CHD8: variants seen among roughly 807,000 people sequenced by gnomAD.
CHD8 encodes the protein chromodomain helicase DNA binding protein 8, also known as ATP-dependent chromatin remodeler CHD8.
CHD8 carries 31 observed loss-of-function variants against 279.2 expected under a neutral mutation model. That is an observed-to-expected ratio of 0.11 (90% CI 0.08 to 0.15). The LOEUF is 0.15. CHD8 is among the 10% of genes least tolerant of loss of function. CHD8 has a pLI of 1.00. For missense variants in CHD8, 2,146 were observed against 3,230.5 expected (o/e 0.66, Z 8.14); for synonymous variants, 1,081 against 1,139.6 (o/e 0.95, Z 1.04).
At chr14:21,390,132 A>T (rs1387037415) in intron 37 of CHD8, among the ~76,000 whole-genome samples, 1 of 152,116 alleles carries the variant, frequency 6.6e-6, no homozygotes, top group African/African-American at 2.4e-5. Flanking sequence ...GCTACTTGAG[A>T]GGCTGGGCAG....
rs1889405491 is a variant in CHD8 at position 21,428,123 on chromosome 14, G to A, written c.1347C>T (p.Asn449=). 6.2e-7 allele frequency: 1 copy of A among 1,613,980 alleles called. No homozygotes were observed. Among genetic ancestry groups the A allele is most frequent in the Non-Finnish European group, 8.5e-7 (1 of 1,179,900 alleles). The change falls in exon 4 of 38, where the codon AAC becomes AAT. Residue 449 remains asparagine (N), a synonymous_variant. Coordinates refer to ENST00000646647, the MANE Select transcript of CHD8 (RefSeq NM_001170629.2). ...HSGGKTGMEE[N]RRLEHQKKQE... ...GCTTCTTCTGGTGTTCCAATCTGCG[G>A]TTTTCCTCCATTCCTGTCTTTCCCC...
At chr14:21,391,704 G>A in intron 35 of CHD8, 62 bp from the exon 36 acceptor site, 1 of 1,500,780 alleles carries the variant, frequency 6.7e-7, no homozygotes, top group South Asian at 1.2e-5. Context: ...GAGGGAGGGG[G>A]AGCAGGGCCA....
At chr14:21,404,418 A>C (rs926678229) in intron 16 of CHD8, among the ~76,000 whole-genome samples, 2 of 152,014 alleles carry the variant, frequency 1.3e-5, no homozygotes, top group East Asian at 3.9e-4. Context: ...AAAAAAAAAA[A>C]AACTTAAATC....
At chr14:21,410,317 G>T (rs950645473) in intron 10 of CHD8, among the ~76,000 whole-genome samples, 3 of 152,028 alleles carry the variant, frequency 2.0e-5, no homozygotes, top group African/African-American at 7.2e-5. Context: ...GAAATTAAAA[G>T]ATATGTTTCT....
chr14:21,394,597 AGTAGACGC>A, intron 30 of CHD8, 112 bp from the exon 31 acceptor site: 1 of 253,930 alleles, frequency 3.9e-6, no homozygotes. Context: ...AAAAATTGAA[AGTAGACGC>A]AAAAAAAAAA....
chr14:21,399,955 A>G (rs1887958282), intron 25 of CHD8, 26 bp downstream of exon 25: 1 of 1,590,864 alleles, frequency 6.3e-7, no homozygotes, highest in Non-Finnish European at 8.6e-7. Context: ...TAGGGCATAA[A>G]TCAAAAAAAT....
chr14:21,404,398 TAAAAAAAAAAAAAA>T (rs974957250), intron 16 of CHD8, among the ~76,000 whole-genome samples: 2 of 98,672 alleles, frequency 2.0e-5, no homozygotes, highest in Non-Finnish European at 4.2e-5. Flanking sequence ...AACTCCATCT[TAAAAAAAAAAAAAA>T]AAAAAAAACT....
rs945752827 is a variant in CHD8, at chr14:21,405,649, A to G, written c.3051+72T>C. ...GAAAGGCCCTTGAGATACCCATGAC[A>G]ACAGATGTCTGCCTTGTACAAACTT... On this transcript the variant is annotated intron_variant, in intron 15 of 37. Transcript: ENST00000646647. The surrounding 1 kb of genome is among the most constrained non-coding windows in gnomAD (Gnocchi z 4.2). 1.7e-5 allele frequency: 26 copies of G among 1,559,204 alleles called. No individual in the cohort carries two copies. The highest frequency in any genetic ancestry group is 2.0e-5 in the Non-Finnish European group (23 of 1,142,814).
At chr14:21,415,456 T>C (rs1212413604) in intron 7 of CHD8, 118 bp downstream of exon 7, 1 of 496,162 alleles carries the variant, frequency 2.0e-6, no homozygotes, top group African/African-American at 2.0e-5. Context: ...ATCATATCTA[T>C]GAATAGCCAC....
At chr14:21,418,914 T>C (rs997430920) in intron 5 of CHD8, among the ~76,000 whole-genome samples, 4 of 151,964 alleles carry the variant, frequency 2.6e-5, no homozygotes, top group African/African-American at 9.7e-5. Context: ...TGCCCTGGAG[T>C]GAGGAACTGG....
chr14:21,429,115 G>A lies in CHD8; in HGVS notation c.1064C>T (p.Pro355Leu). The change falls in exon 3 of 38, where the codon CCA becomes CTA. Residue 355 changes from proline to leucine, a missense_variant. Pro to Leu is a moderately conservative substitution (Grantham distance 98). Transcript: ENST00000646647. ...CTGTGGCTGCGATGATGGTGGTTGT[G>A]GTACAATCTGGATTTTTTGCTGTGG... ...QQPQQKIQIVPQPPSSQPQPQ... is the reference protein window; with the variant it reads ...QQPQQKIQIVLQPPSSQPQPQ... 6.2e-7 allele frequency: 1 copy of A among 1,613,966 alleles called. No individual in the cohort carries two copies. The highest frequency in any genetic ancestry group is 8.5e-7 in the Non-Finnish European group (1 of 1,179,888).
Position 21,397,868 on chromosome 14 carries a change from G to C in CHD8, c.5006C>G (p.Ala1669Gly). The C allele has an allele frequency of 6.2e-7, 1 of 1,613,378 alleles. No individual in the cohort carries two copies. Among genetic ancestry groups the C allele is most frequent in the Non-Finnish European group, 8.5e-7 (1 of 1,179,572 alleles). ...KAGRPDDKAIAAEHRVLDNFS... is the reference protein window; with the variant it reads ...KAGRPDDKAIGAEHRVLDNFS... ...GTTATCCAACACTCGATGTTCTGCT[G>C]CAATTGCTTTGTCATCTGGTCGGCC... The change falls in exon 27 of 38, where the codon GCA (alanine) becomes GGA (glycine). Residue 1669 changes from alanine (A) to glycine (G), a missense_variant. Coordinates refer to ENST00000646647, the MANE Select transcript of CHD8 (RefSeq NM_001170629.2).
At position 21,403,978 on chromosome 14, in the gene CHD8, A is replaced by T. The variant is rs1229064103; in HGVS notation, c.3308-315T>A. 3.3e-5 allele frequency among the ~76,000 whole-genome samples: 5 copies of T among 152,082 alleles called. No individual in the cohort carries two copies. The highest frequency in any genetic ancestry group is 1.2e-4 in the African/African-American group (5 of 41,406). On this transcript the variant is annotated intron_variant, in intron 16 of 37. Coordinates refer to ENST00000646647, the MANE Select transcript of CHD8 (RefSeq NM_001170629.2). The surrounding 1 kb of genome is among the most constrained non-coding windows in gnomAD (Gnocchi z 4.3). ...GCCAGGTGTGGTGGCGGAGGCCTGT[A>T]GTTCCAGCTACTCAGGAGGCTGAGG...
At chr14:21,399,027 G>T in intron 26 of CHD8, 1 of 404,498 alleles carries the variant, frequency 2.5e-6, no homozygotes. Context: ...CGACAAGGAG[G>T]GCATCCCACC....
intron 3 of CHD8, 35 bp downstream of exon 3, chr14:21,428,929 T>C (rs1162951061): frequency 6.2e-7 from 1 of 1,608,560 alleles, no homozygotes; most frequent in Non-Finnish European, 8.5e-7. Flanking sequence ...AGTATTTTTG[T>C]TTTCTTTCTT....
At chr14:21,390,466 G>A (rs1217777728) in intron 37 of CHD8, among the ~76,000 whole-genome samples, 1 of 152,042 alleles carries the variant, frequency 6.6e-6, no homozygotes, top group Non-Finnish European at 1.5e-5. Flanking sequence ...GATACCACAG[G>A]ACTGCAAAAA....
chr14:21,417,851 C>CAAAAAA (rs59449804), intron 5 of CHD8, among the ~76,000 whole-genome samples: 14 of 116,070 alleles, frequency 1.2e-4, no homozygotes, highest in Non-Finnish European at 1.9e-4. Flanking sequence ...GAGACTCTCT[C>CAAAAAA]AAAAAAAAAA....
intron 26 of CHD8, chr14:21,398,988 A>G (rs1284614724): frequency 1.9e-5 from 8 of 420,046 alleles, no homozygotes; most frequent in Non-Finnish European, 2.9e-5. Context: ...GCCGAGTGAC[A>G]CCAGTGAAAA....
chr14:21,393,531 T>A lies in CHD8; in HGVS notation c.6264A>T (p.Ser2088=). ...CATCAGTGCTGGAGCTGGAGCTGGA[T>A]GAGGATGAGGAAGAAGAAGAAGATG... ...LSPSSSSSSS[S]SSSSSSTDES... Residue 2088 remains serine, a synonymous_variant, in exon 32 of 38, where the codon TCA becomes TCT. Transcript: ENST00000646647. The A allele has an allele frequency of 6.2e-7, 1 of 1,600,204 alleles. No individual in the cohort carries two copies. Among genetic ancestry groups the A allele is most frequent in the Non-Finnish European group, 8.5e-7 (1 of 1,173,126 alleles).
Sources: allele counts gnomAD v4.1 joint callset (sites outside exome capture counted in the v4.1 genomes callset), GRCh38; gene constraint gnomAD v4.1.1; non-coding constraint Gnocchi (gnomAD v3.1); transcripts MANE v1.5; gene names NCBI Gene and HGNC (gene_info 2026-07-23, HGNC 2026-07-21).